Variants in ANKRD30B observed in about 807,000 individuals in gnomAD.
ANKRD30B encodes the protein ankyrin repeat domain-containing protein 30B.
Under a neutral mutation model 202.2 loss-of-function variants are expected in ANKRD30B, and 144 were observed. That is an observed-to-expected ratio of 0.71 (90% CI 0.62 to 0.82). The LOEUF (loss-of-function observed/expected upper bound fraction) is 0.82. Among genes scored for constraint, ANKRD30B ranks in the 40% least tolerant of loss-of-function variants. ANKRD30B has a pLI of 0.00. For synonymous variants in ANKRD30B, 508 were observed against 561.3 expected (o/e 0.91, Z 1.34); for missense variants, 1,487 against 1,669.1 (o/e 0.89, Z 1.90).
the ANKRD30B span, among the ~76,000 whole-genome samples, chr18:14,913,231 C>G: frequency 6.6e-6 from 1 of 152,120 alleles, no homozygotes; most frequent in Non-Finnish European, 1.5e-5. Context: ...TTTTAGTTAC[C>G]CAGGGTTAGC....
the ANKRD30B span, among the ~76,000 whole-genome samples, chr18:14,902,488 A>T: frequency 6.6e-6 from 1 of 152,228 alleles, no homozygotes; most frequent in African/African-American, 2.4e-5. Context: ...TCAATTTAAA[A>T]AGTGCTTACA....
intron 34 of ANKRD30B, among the ~76,000 whole-genome samples, chr18:14,832,498 T>C (rs984322640): frequency 6.6e-6 from 1 of 152,198 alleles, no homozygotes; most frequent in Non-Finnish European, 1.5e-5. Context: ...TTGTATTTAG[T>C]TATTTAAATA....
chr18:14,750,715 G>A (rs1913286915), intron 1 of ANKRD30B, among the ~76,000 whole-genome samples: 1 of 152,038 alleles, frequency 6.6e-6, no homozygotes, highest in African/African-American at 2.4e-5. Flanking sequence ...TGAGTTTACA[G>A]CATGGGATAA....
the ANKRD30B span, among the ~76,000 whole-genome samples, chr18:14,932,574 G>A: frequency 1.3e-5 from 2 of 152,118 alleles, no homozygotes; most frequent in Admixed American, 6.5e-5. Context: ...TCCAGACCTC[G>A]TGATCCGCCC....
chr18:14,754,165 T>C (rs1913950898), intron 3 of ANKRD30B, among the ~76,000 whole-genome samples: 1 of 152,160 alleles, frequency 6.6e-6, no homozygotes, highest in Non-Finnish European at 1.5e-5. Context: ...TAGAGCCACT[T>C]CCTTAGTGAC....
the ANKRD30B span, among the ~76,000 whole-genome samples, chr18:14,925,582 T>G: frequency 1.3e-5 from 2 of 152,250 alleles, no homozygotes; most frequent in Non-Finnish European, 2.9e-5. Context: ...CTAGGTTTTG[T>G]GGGCAAGGCC....
At position 14,819,946 on chromosome 18, in the gene ANKRD30B, C is replaced by G. The variant is rs28846220; in HGVS notation, c.2642-2537C>G. On this transcript the variant is annotated intron_variant, in intron 30 of 43. Transcript: ENST00000690538. ...GGGATGGCATTGAATCTGTAAATAACCTTGGGCAGTATGGCCATTTTCACG... is the reference window on the plus strand; with the variant it reads ...GGGATGGCATTGAATCTGTAAATAAGCTTGGGCAGTATGGCCATTTTCACG... Among the ~76,000 whole-genome samples, 1,186 of 152,048 alleles carry G rather than the reference C, an allele frequency of 7.8e-3. 12 individuals carry two copies. Among genetic ancestry groups the G allele is most frequent in the African/African-American group, 0.028 (1,148 of 41,382 alleles).
At chr18:14,777,891 C>T (rs1279601801) in intron 9 of ANKRD30B, 94 bp from the exon 10 acceptor site, 10 of 811,500 alleles carry the variant, frequency 1.2e-5, no homozygotes, top group South Asian at 6.5e-5. Context: ...GGCAGTAGGC[C>T]GAGATCACAC....
At chr18:14,754,581 T>C (rs1914029422) in intron 3 of ANKRD30B, among the ~76,000 whole-genome samples, 1 of 152,034 alleles carries the variant, frequency 6.6e-6, no homozygotes, top group Admixed American at 6.6e-5. Flanking sequence ...TGTCTTAGGG[T>C]TTAAGGATAT....
chr18:14,936,795 G>T, the ANKRD30B span, among the ~76,000 whole-genome samples: 2 of 152,216 alleles, frequency 1.3e-5, no homozygotes, highest in African/African-American at 4.8e-5. Flanking sequence ...CATCTGCAAG[G>T]ATGCTATTTT....
intron 30 of ANKRD30B, among the ~76,000 whole-genome samples, chr18:14,817,838 T>C (rs1327945332): frequency 1.3e-5 from 2 of 152,212 alleles, no homozygotes; most frequent in Non-Finnish European, 2.9e-5. Flanking sequence ...CAGGTTTTTA[T>C]TTAAAGTGTG....
At chr18:14,804,750 A>T (rs1411298662) in intron 24 of ANKRD30B, among the ~76,000 whole-genome samples, 3 of 150,986 alleles carry the variant, frequency 2.0e-5, no homozygotes, top group Non-Finnish European at 4.4e-5. Flanking sequence ...GATGGAAGAT[A>T]CTACTTCTAT....
the ANKRD30B span, among the ~76,000 whole-genome samples, chr18:14,936,790 G>T: frequency 2.0e-5 from 3 of 152,326 alleles, no homozygotes; most frequent in South Asian, 6.2e-4. Context: ...CTTCACATCT[G>T]CAAGGATGCT....
intron 1 of ANKRD30B, among the ~76,000 whole-genome samples, chr18:14,751,049 A>G (rs948513839): frequency 2.0e-5 from 3 of 152,006 alleles, no homozygotes; most frequent in South Asian, 2.1e-4. Context: ...CTCACTTTCT[A>G]TATTTTATTT....
the ANKRD30B span, among the ~76,000 whole-genome samples, chr18:14,897,478 C>A: frequency 1.3e-5 from 2 of 151,870 alleles, no homozygotes; most frequent in Non-Finnish European, 2.9e-5. Flanking sequence ...ACCATGCCCG[C>A]CCCTAGCTGT....
intron 34 of ANKRD30B, among the ~76,000 whole-genome samples, chr18:14,834,107 A>G (rs1246634923): frequency 1.3e-5 from 2 of 152,196 alleles, no homozygotes; most frequent in Non-Finnish European, 2.9e-5. Flanking sequence ...GAATAGAAAC[A>G]ACCTATACCA....
At chr18:14,914,632 T>C in the ANKRD30B span, among the ~76,000 whole-genome samples, 1 of 152,204 alleles carries the variant, frequency 6.6e-6, no homozygotes, top group Non-Finnish European at 1.5e-5. Context: ...AACTTCATAA[T>C]GAATTGAATT....
At chr18:14,933,652 A>C in the ANKRD30B span, among the ~76,000 whole-genome samples, 16 of 152,044 alleles carry the variant, frequency 1.1e-4, no homozygotes, top group South Asian at 1.5e-3. Context: ...CAGTGCTGGG[A>C]GATATGCGTG....
chr18:14,822,615 G>T lies in ANKRD30B; in HGVS notation c.2681G>T (p.Gly894Val), dbSNP rs1352472233. 2 of 1,439,016 alleles carry T rather than the reference G, an allele frequency of 1.4e-6. No homozygotes were observed. Among genetic ancestry groups the T allele is most frequent in the South Asian group, 2.6e-5 (2 of 77,808 alleles). The allele number at this position is 1,439,016 out of a possible 1,614,324, so 89.1% of individuals were successfully genotyped here. A position where few individuals can be genotyped will look rare whatever the true frequency, so the allele number is the denominator to read the frequency against. ...DKDGLLKPTC[G>V]MKISLPNKAL... ...TCCAAACCCATTTAGCCTACCTGTG[G>T]AATGAAAATTTCTCTTCCAAATAAA... Residue 894 changes from glycine to valine, a missense_variant, in exon 32 of 44, where the codon GGA (glycine) becomes GTA (valine). Physicochemically the swap from Gly to Val is moderately radical, Grantham distance 109. This residue lies in a region of ANKRD30B where 218 missense variants were observed against 320.1 expected (regional missense o/e 0.68). Transcript: ENST00000690538.
Sources: allele counts gnomAD v4.1 joint callset (sites outside exome capture counted in the v4.1 genomes callset), GRCh38; gene constraint gnomAD v4.1.1; regional missense constraint gnomAD v4.1.1; transcripts MANE v1.5; gene names NCBI Gene and HGNC (gene_info 2026-07-23, HGNC 2026-07-21).